The following AGTPBP1 variants were observed in gnomAD, a reference collection of about 807,000 sequenced individuals.
The protein encoded by AGTPBP1 is cytosolic carboxypeptidase 1.
In AGTPBP1, 70 loss-of-function variants were observed where a neutral mutation model predicts 143.9. The observed-to-expected ratio is 0.49, with a 90% CI of 0.40 to 0.59. The LOEUF (loss-of-function observed/expected upper bound fraction) is 0.59. Ranked by LOEUF, AGTPBP1 falls within the 20% of genes least tolerant of loss-of-function variation. AGTPBP1 has a pLI of 0.00. For missense variants in AGTPBP1, 1,229 were observed against 1,464.5 expected (o/e 0.84, Z 2.62); for synonymous variants, 463 against 500.2 (o/e 0.93, Z 0.99).
At position 85,677,510 on chromosome 9, in the gene AGTPBP1, G is replaced by C; in HGVS notation, c.362C>G (p.Ala121Gly). 6.2e-7 allele frequency: 1 copy of C among 1,603,126 alleles called. No homozygotes were observed. The change falls in exon 6 of 26, where the codon GCC becomes GGC. Residue 121 changes from alanine to glycine, a missense_variant. By Grantham distance (60) the Ala-to-Gly change is moderately conservative. This residue lies in a region of AGTPBP1 where 743 missense variants were observed against 812.2 expected (regional missense o/e 0.91). Transcript: ENST00000357081. Reference protein sequence around the residue: ...SQILLQLLMNASKESPPHEDL... With the variant: ...SQILLQLLMNGSKESPPHEDL... Reference sequence around the variant, plus strand: ...CTCATGTGGGGGAGATTCTTTGCTGGCATTCATAAGTAACTGCAACAATAT... The same window carrying C: ...CTCATGTGGGGGAGATTCTTTGCTGCCATTCATAAGTAACTGCAACAATAT...
At chr9:85,740,354 TAAGAG>T (rs1424180766) in intron 1 of AGTPBP1, among the ~76,000 whole-genome samples, 2 of 152,314 alleles carry the variant, frequency 1.3e-5, no homozygotes, top group East Asian at 1.9e-4. Context: ...GAATTTAACT[TAAGAG>T]AAGTGGAATG....
chr9:85,625,651 T>A (rs1410263273), intron 14 of AGTPBP1, among the ~76,000 whole-genome samples: 1 of 151,926 alleles, frequency 6.6e-6, no homozygotes, highest in Non-Finnish European at 1.5e-5. Flanking sequence ...TTTGGGAGGC[T>A]GAGGTGGGCA....
chr9:85,717,830 C>A (rs1837814964), intron 1 of AGTPBP1, among the ~76,000 whole-genome samples: 1 of 151,808 alleles, frequency 6.6e-6, no homozygotes, highest in Non-Finnish European at 1.5e-5. Context: ...CCTCCCACAG[C>A]CCCCCACCCC....
At chr9:85,611,476 T>C (rs1830315100) in intron 17 of AGTPBP1, among the ~76,000 whole-genome samples, 1 of 151,874 alleles carries the variant, frequency 6.6e-6, no homozygotes, top group East Asian at 1.9e-4. Flanking sequence ...TAAAGAGATA[T>C]GCAAAAGGAA....
the AGTPBP1 span, among the ~76,000 whole-genome samples, chr9:85,782,344 G>A: frequency 6.6e-6 from 1 of 152,080 alleles, no homozygotes. Context: ...GTGAAACCCC[G>A]TCTCTATTAA....
In AGTPBP1 at chr9:85,588,447, C is replaced by T. The variant is rs1206880841; in HGVS notation, c.2754G>A (p.Arg918=). The part of the protein sequence containing the change: ...RNRPYVFLSA[R]VHPGETNASW... Reference sequence around the variant, plus strand: ...TTGCATTAGTTTCTCCAGGATGTACCCGAGCAGACAAGAAAACGTAAGGGC... The same window carrying T: ...TTGCATTAGTTTCTCCAGGATGTACTCGAGCAGACAAGAAAACGTAAGGGC... The change falls in exon 21 of 26, where the codon CGG becomes CGA. Residue 918 remains arginine, a synonymous_variant. Transcript: ENST00000357081. The T allele has an allele frequency of 6.2e-7, 1 of 1,611,702 alleles. No individual in the cohort carries two copies. The highest frequency in any genetic ancestry group is 1.7e-5 in the Admixed American group (1 of 59,554).
rs1001236530 is a variant in AGTPBP1 at position 85,679,786 on chromosome 9, G to C, written c.226-1388C>G. 3.3e-5 allele frequency among the ~76,000 whole-genome samples: 5 copies of C among 151,960 alleles called. No individual in the cohort carries two copies. The South Asian group carries it at 1.0e-3, about 32-fold the overall frequency. The stretch of plus-strand genomic sequence containing the variant: ...TTTCCTCAGTTTTCCAAGTATCCAT[G>C]GTGTTTTTTTTCTACATCCTTTTGT... On this transcript the variant is annotated intron_variant, in intron 4 of 25. Coordinates refer to ENST00000357081, the MANE Select transcript of AGTPBP1 (RefSeq NM_001330701.2).
the AGTPBP1 span, among the ~76,000 whole-genome samples, chr9:85,754,875 T>C: frequency 4.7e-5 from 7 of 150,228 alleles, no homozygotes; most frequent in Non-Finnish European, 8.8e-5. Context: ...GAATCTCTTA[T>C]TCATCTTTCA....
chr9:85,649,863 T>C (rs2133886017), intron 11 of AGTPBP1, among the ~76,000 whole-genome samples: 2 of 152,266 alleles, frequency 1.3e-5, no homozygotes, highest in Admixed American at 1.3e-4. Context: ...AAACTTACTT[T>C]CTTAAAAATC....
chr9:85,581,664 A>G (rs1369556079), intron 23 of AGTPBP1, among the ~76,000 whole-genome samples: 1 of 152,180 alleles, frequency 6.6e-6, no homozygotes, highest in Non-Finnish European at 1.5e-5. Flanking sequence ...TACTATCCAC[A>G]ATATTTACCA....
intron 17 of AGTPBP1, among the ~76,000 whole-genome samples, chr9:85,610,854 C>T (rs1275355485): frequency 1.3e-5 from 2 of 152,106 alleles, no homozygotes; most frequent in African/African-American, 2.4e-5. Context: ...ATATTGGTCC[C>T]TTTCTTTTAA....
intron 2 of AGTPBP1, among the ~76,000 whole-genome samples, chr9:85,696,876 C>T (rs1439774162): frequency 6.6e-6 from 1 of 152,178 alleles, no homozygotes; most frequent in Non-Finnish European, 1.5e-5. Flanking sequence ...ACGACACTAT[C>T]ACTTATCAAG....
intron 7 of AGTPBP1, among the ~76,000 whole-genome samples, chr9:85,670,194 G>C (rs963868397): frequency 1.3e-5 from 2 of 152,140 alleles, no homozygotes; most frequent in African/African-American, 2.4e-5. Flanking sequence ...ACATCACAAT[G>C]TGAGCAGTTA....
intron 11 of AGTPBP1, among the ~76,000 whole-genome samples, chr9:85,647,308 G>A (rs1219716224): frequency 1.3e-5 from 2 of 152,130 alleles, no homozygotes; most frequent in African/African-American, 4.8e-5. Flanking sequence ...AATCTCTGTT[G>A]GGCCACATTC....
At chr9:85,573,655 T>G (rs1022017258) in intron 25 of AGTPBP1, among the ~76,000 whole-genome samples, 5 of 148,248 alleles carry the variant, frequency 3.4e-5, no homozygotes, top group East Asian at 2.0e-4. Context: ...ATCTAGGAAG[T>G]GAGGAGAGCC....
the AGTPBP1 span, among the ~76,000 whole-genome samples, chr9:85,764,472 G>A: frequency 6.6e-6 from 1 of 152,162 alleles, no homozygotes. Flanking sequence ...GAAGGTTGCA[G>A]TGAGCTGAGG....
In AGTPBP1 at chr9:85,741,461, G is replaced by A. The variant is rs144995074; in HGVS notation, c.-34+314C>T. ...AGAGAAAGGGCTGAGCAGAAAGGGC[G>A]GCCTCCGCCCAGAGACCGCGCCCGA... On this transcript the variant is annotated intron_variant, in intron 1 of 25. Transcript: ENST00000357081. 485 of 985,320 alleles carry A rather than the reference G, an allele frequency of 4.9e-4. 1 individual carries two copies. Among genetic ancestry groups the A allele is most frequent in the Middle Eastern group, 4.7e-3 (9 of 1,912 alleles). The allele number at this position is 985,320 out of a possible 1,614,324, so 61.0% of individuals were successfully genotyped here.
chr9:85,579,546 C>T (rs1358703579), intron 23 of AGTPBP1, among the ~76,000 whole-genome samples: 1 of 150,586 alleles, frequency 6.6e-6, no homozygotes, highest in African/African-American at 2.5e-5. Flanking sequence ...TCAGTTTCAC[C>T]CGAAAGCATA....
intron 13 of AGTPBP1, among the ~76,000 whole-genome samples, chr9:85,640,985 C>T (rs760155428): frequency 1.3e-5 from 2 of 152,116 alleles, no homozygotes; most frequent in Non-Finnish European, 2.9e-5. Flanking sequence ...AAAGAGTGCT[C>T]CATTCTGAGT....
Sources: gnomAD v4.1 joint callset for allele counts (sites outside exome capture counted in the v4.1 genomes callset) on GRCh38, gnomAD v4.1.1 for gene constraint, gnomAD v4.1.1 regional missense constraint, MANE v1.5 for transcripts, NCBI Gene and HGNC (gene_info 2026-07-23, HGNC 2026-07-21) for gene names.